The following GRIN2A variants were observed in gnomAD, a reference collection of about 807,000 sequenced individuals.
The protein encoded by GRIN2A is glutamate ionotropic receptor NMDA type subunit 2A, also known as glutamate receptor ionotropic, NMDA 2A.
GRIN2A carries 22 observed loss-of-function variants against 113.4 expected under a neutral mutation model. That is an observed-to-expected ratio of 0.19 (90% confidence interval 0.14 to 0.28). GRIN2A has a LOEUF of 0.28. Among genes scored for constraint, GRIN2A ranks in the 10% least tolerant of loss-of-function variants. The pLI is 1.00. For synonymous variants in GRIN2A, 827 were observed against 738.4 expected (o/e 1.12, Z -1.94); for missense variants, 1,502 against 1,887.0 (o/e 0.80, Z 3.78).
At chr16:9,855,890 G>A (rs1187404818) in intron 4 of GRIN2A, among the ~76,000 whole-genome samples, 1 of 152,194 alleles carries the variant, frequency 6.6e-6, no homozygotes, top group Non-Finnish European at 1.5e-5. Context: ...AATTCTCCAT[G>A]CTGCACAAAA....
At chr16:9,931,837 C>G (rs2044601469) in intron 3 of GRIN2A, among the ~76,000 whole-genome samples, 1 of 152,148 alleles carries the variant, frequency 6.6e-6, no homozygotes, top group African/African-American at 2.4e-5. Flanking sequence ...GCAAAAACAC[C>G]TGTAGACATT....
chr16:10,163,567 G>T (rs561752478), intron 2 of GRIN2A, among the ~76,000 whole-genome samples: 2 of 152,214 alleles, frequency 1.3e-5, no homozygotes, highest in Admixed American at 6.5e-5. Context: ...CTTCCGTTTT[G>T]CTTGTGAATA....
At chr16:10,043,665 C>T (rs2047205458) in intron 2 of GRIN2A, among the ~76,000 whole-genome samples, 2 of 152,078 alleles carry the variant, frequency 1.3e-5, no homozygotes, top group African/African-American at 4.8e-5. Flanking sequence ...GTACTGATAA[C>T]CAGAACCACA....
chr16:10,171,425 G>A (rs1267393137), intron 2 of GRIN2A: 3 of 152,188 alleles, frequency 2.0e-5, no homozygotes, highest in African/African-American at 7.2e-5. Flanking sequence ...TCCAGTTGGT[G>A]GAGTCATTTA....
intron 2 of GRIN2A, among the ~76,000 whole-genome samples, chr16:9,968,805 C>T (rs2045612416): frequency 6.6e-6 from 1 of 152,072 alleles, no homozygotes; most frequent in Non-Finnish European, 1.5e-5. Flanking sequence ...TGGGGTTTCT[C>T]CATGTTGGTC....
At chr16:9,889,309 G>C (rs887156775) in intron 4 of GRIN2A, among the ~76,000 whole-genome samples, 1 of 152,062 alleles carries the variant, frequency 6.6e-6, no homozygotes, top group African/African-American at 2.4e-5. Context: ...GTCTGTAAGT[G>C]ATAGTCCCTC....
chr16:9,949,148 A>G (rs1033956453), intron 2 of GRIN2A, among the ~76,000 whole-genome samples: 13 of 152,206 alleles, frequency 8.5e-5, no homozygotes, highest in South Asian at 4.1e-4. Flanking sequence ...TCTATTGTCA[A>G]TCGTCACCAG....
intron 11 of GRIN2A, among the ~76,000 whole-genome samples, chr16:9,781,702 G>A (rs1220762296): frequency 6.8e-6 from 1 of 147,460 alleles, no homozygotes; most frequent in Admixed American, 6.8e-5. Flanking sequence ...CATATATCAA[G>A]ACTCCTAGAG....
intron 2 of GRIN2A, among the ~76,000 whole-genome samples, chr16:10,131,634 T>C (rs975795040): frequency 6.6e-6 from 1 of 152,176 alleles, no homozygotes; most frequent in African/African-American, 2.4e-5. Context: ...AAAGGGCGTC[T>C]GTTTCAGCCA....
chr16:9,814,412 G>A (rs1567318123), intron 10 of GRIN2A, among the ~76,000 whole-genome samples: 2 of 152,150 alleles, frequency 1.3e-5, no homozygotes, highest in Non-Finnish European at 2.9e-5. Flanking sequence ...GATCGTAGGG[G>A]TGTTGTGAGG....
chr16:10,105,736 A>C (rs2048486953), intron 2 of GRIN2A, among the ~76,000 whole-genome samples: 1 of 152,090 alleles, frequency 6.6e-6, no homozygotes, highest in Non-Finnish European at 1.5e-5. Flanking sequence ...GTGAAACCCC[A>C]TCTCTGCTAA....
chr16:10,178,337 G>C (rs1255842935), intron 2 of GRIN2A, among the ~76,000 whole-genome samples: 2 of 152,176 alleles, frequency 1.3e-5, no homozygotes, highest in Admixed American at 1.3e-4. Flanking sequence ...ATTAAAGTAT[G>C]GGCTTGATTT....
intron 2 of GRIN2A, among the ~76,000 whole-genome samples, chr16:9,973,323 T>C (rs1318874336): frequency 6.6e-6 from 1 of 152,154 alleles, no homozygotes; most frequent in African/African-American, 2.4e-5. Flanking sequence ...AACTATAAAC[T>C]AAGTTTCTCT....
intron 2 of GRIN2A, among the ~76,000 whole-genome samples, chr16:10,106,212 G>GTTTTTTTTTTTTT (rs71402429): frequency 7.1e-6 from 1 of 140,978 alleles, no homozygotes. Flanking sequence ...TTGGGGAAGT[G>GTTTTTTTTTTTTT]TTTTTTTTTT....
chr16:9,958,786 T>C (rs949220899), intron 2 of GRIN2A, among the ~76,000 whole-genome samples: 17 of 152,228 alleles, frequency 1.1e-4, no homozygotes, highest in Admixed American at 6.5e-4. Context: ...AAGCCACATA[T>C]AGTATGTGCT....
At chr16:10,150,204 A>T (rs977038981) in intron 2 of GRIN2A, among the ~76,000 whole-genome samples, 4 of 152,198 alleles carry the variant, frequency 2.6e-5, no homozygotes, top group African/African-American at 9.6e-5. Context: ...AAACCTTTAA[A>T]GTATGTAAAG....
chr16:10,144,965 G>C (rs1189634935), intron 2 of GRIN2A, among the ~76,000 whole-genome samples: 1 of 129,236 alleles, frequency 7.7e-6, no homozygotes, highest in Non-Finnish European at 1.7e-5. Context: ...TAAAGAAAAT[G>C]TGACATATTT....
chr16:9,988,542 A>ATCTCTCTC (rs140580698), intron 2 of GRIN2A, among the ~76,000 whole-genome samples: 1 of 148,718 alleles, frequency 6.7e-6, no homozygotes, highest in Non-Finnish European at 1.5e-5. Context: ...GTACCAATTA[A>ATCTCTCTC]TCTCTCTCTC....
intron 3 of GRIN2A, among the ~76,000 whole-genome samples, chr16:9,931,624 T>C (rs529885495): frequency 6.3e-4 from 96 of 152,268 alleles, no homozygotes; most frequent in Non-Finnish European, 1.2e-3. Flanking sequence ...GGTAATCCTT[T>C]GGTAAGAGGG....
Sources: allele counts gnomAD v4.1 joint callset (sites outside exome capture counted in the v4.1 genomes callset), GRCh38; gene constraint gnomAD v4.1.1; transcripts MANE v1.5; gene names NCBI Gene and HGNC (gene_info 2026-07-23, HGNC 2026-07-21).